The following KALRN variants were observed in gnomAD, a reference collection of about 807,000 sequenced individuals.
The protein encoded by KALRN is kalirin.
KALRN carries 70 observed loss-of-function variants against 353.7 expected under a neutral mutation model. The observed-to-expected ratio is 0.20, with a 90% CI of 0.16 to 0.24. The LOEUF (loss-of-function observed/expected upper bound fraction) is 0.24. Ranked by LOEUF, KALRN falls within the 10% of genes least tolerant of loss-of-function variation. The pLI, the probability that KALRN is intolerant of heterozygous loss-of-function variation, is 1.00. For synonymous variants in KALRN, 1,391 were observed against 1,434.8 expected, an observed-to-expected ratio of 0.97 and a Z score of 0.69; for missense variants, 2,791 against 3,756.7, an observed-to-expected ratio of 0.74 and a Z score of 6.72.
intron 33 of KALRN, among the ~76,000 whole-genome samples, chr3:124,561,925 AG>A (rs1239805927): frequency 2.0e-5 from 3 of 152,346 alleles, no homozygotes; most frequent in Non-Finnish European, 2.9e-5. Flanking sequence ...GCCAGAAGAA[AG>A]GGGGGAAGTG....
chr3:124,401,649 A>G (rs1219619818), intron 13 of KALRN, among the ~76,000 whole-genome samples: 2 of 152,188 alleles, frequency 1.3e-5, no homozygotes, highest in Non-Finnish European at 2.9e-5. Flanking sequence ...AAAATGAGGG[A>G]GAGAAAAATC....
In KALRN at chr3:124,721,623, C is replaced by A. The variant is rs1199022439; in HGVS notation, c.*2153C>A. 2.0e-5 allele frequency: 3 copies of A among 152,104 alleles called. No homozygotes were observed. Among genetic ancestry groups the A allele is most frequent in the Admixed American group, 2.0e-4 (3 of 15,282 alleles). The allele number at this position is 152,104 out of a possible 1,614,324, so 9.4% of individuals were successfully genotyped here. On this transcript the variant is annotated 3_prime_UTR_variant, in exon 60 of 60. Transcript: ENST00000682506. ...TTTTAGTAAACAGTTTACTAAAACC[C>A]TTTCAATAAACATGTCTTCATTATG...
At chr3:124,600,380 A>G (rs538232950) in intron 34 of KALRN, among the ~76,000 whole-genome samples, 97 of 152,192 alleles carry the variant, frequency 6.4e-4, no homozygotes, top group Non-Finnish European at 1.0e-3. Context: ...ACATTATGTT[A>G]TATTGGTTTC....
At chr3:124,681,476 A>T (rs2087763238) in intron 51 of KALRN, among the ~76,000 whole-genome samples, 2 of 152,178 alleles carry the variant, frequency 1.3e-5, no homozygotes, top group South Asian at 4.1e-4. Context: ...GTTTTCAAAT[A>T]CAGTAGTTGA....
At chr3:124,410,213 G>A (rs79744050) in intron 13 of KALRN, 41 of 532,976 alleles carry the variant, frequency 7.7e-5, no homozygotes, top group Admixed American at 1.9e-4. Flanking sequence ...CACCAGGACC[G>A]TCGGCACCTT....
intron 25 of KALRN, 61 bp from the exon 26 acceptor site, chr3:124,474,602 C>A: frequency 7.4e-7 from 1 of 1,346,910 alleles, no homozygotes; most frequent in Non-Finnish European, 1.1e-6. Context: ...GGCCTCAGTG[C>A]AATCCTCTGG....
chr3:124,041,525 G>A (rs1025638979), intron 1 of KALRN, among the ~76,000 whole-genome samples: 1 of 152,204 alleles, frequency 6.6e-6, no homozygotes, highest in Admixed American at 6.5e-5. Flanking sequence ...CAAGGGGACT[G>A]GATGGGGCAC....
intron 13 of KALRN, among the ~76,000 whole-genome samples, chr3:124,400,832 G>C (rs1008870710): frequency 6.6e-6 from 1 of 152,198 alleles, no homozygotes; most frequent in African/African-American, 2.4e-5. Flanking sequence ...GTTAGCAGGT[G>C]TGGTGGTTTT....
At chr3:124,407,329 T>G (rs2091675024) in intron 13 of KALRN, among the ~76,000 whole-genome samples, 1 of 152,030 alleles carries the variant, frequency 6.6e-6, no homozygotes, top group Non-Finnish European at 1.5e-5. Flanking sequence ...TATATATATA[T>G]ATATTTGCTT....
At position 124,639,228 on chromosome 3, in the gene KALRN, G is replaced by A. The variant is rs185849771; in HGVS notation, c.5664+1925G>A. On this transcript the variant is annotated intron_variant, in intron 37 of 59. Transcript: ENST00000682506. ...ATCTAGAGCATAGTGGTCATTCAGG[G>A]TCCTACTCAGATCTCCTCCTCTACA... Among the ~76,000 whole-genome samples, 938 of 106,024 alleles carry A rather than the reference G, an allele frequency of 8.8e-3. 6 individuals carry two copies. The highest frequency in any genetic ancestry group is 0.012 in the Non-Finnish European group (710 of 56,908). The allele number at this position is 106,024 out of a possible 152,430, so 69.6% of individuals were successfully genotyped here.
At chr3:124,298,395 T>C (rs915659339) in intron 5 of KALRN, among the ~76,000 whole-genome samples, 2 of 152,182 alleles carry the variant, frequency 1.3e-5, no homozygotes, top group Non-Finnish European at 2.9e-5. Context: ...GATGTCCCTG[T>C]TGCTTCCTTC....
intron 57 of KALRN, among the ~76,000 whole-genome samples, chr3:124,709,434 TGCCTG>T (rs1380149812): frequency 6.6e-6 from 1 of 152,180 alleles, no homozygotes; most frequent in African/African-American, 2.4e-5. Flanking sequence ...CGCACAACCA[TGCCTG>T]GCTAATTTTT....
intron 1 of KALRN, among the ~76,000 whole-genome samples, chr3:124,167,302 C>T (rs556691971): frequency 6.6e-6 from 1 of 152,134 alleles, no homozygotes; most frequent in Non-Finnish European, 1.5e-5. Context: ...TTCCTTCTCC[C>T]TAGCTTCGCT....
rs754646887 is a variant in KALRN, at chr3:124,694,456, C to A, written c.7530C>A (p.Asn2510Lys). Residue 2510 changes from asparagine (N) to lysine (K), a missense_variant, in exon 53 of 60, where the codon AAC becomes AAA. Coordinates refer to ENST00000682506, the MANE Select transcript of KALRN (RefSeq NM_001388419.1). ...PTITWKGPDQNILDTDNSSAT... is the reference protein window; with the variant it reads ...PTITWKGPDQKILDTDNSSAT... Reference sequence around the variant, plus strand: ...TCACTTGGAAGGGTCCAGACCAGAACATCCTTGACACTGATAACAGCTCAG... The same window carrying A: ...TCACTTGGAAGGGTCCAGACCAGAAAATCCTTGACACTGATAACAGCTCAG... 1 of 1,614,076 alleles carries A rather than the reference C, an allele frequency of 6.2e-7. No individual in the cohort carries two copies. The highest frequency in any genetic ancestry group is 1.3e-5 in the African/African-American group (1 of 74,930).
intron 6 of KALRN, among the ~76,000 whole-genome samples, chr3:124,306,780 T>A (rs2077746397): frequency 6.6e-6 from 1 of 152,200 alleles, no homozygotes; most frequent in Non-Finnish European, 1.5e-5. Context: ...CAAGGGAACC[T>A]CAATAAGATT....
At chr3:124,424,116 C>T (rs1004941799) in intron 15 of KALRN, among the ~76,000 whole-genome samples, 2 of 152,096 alleles carry the variant, frequency 1.3e-5, no homozygotes, top group African/African-American at 4.8e-5. Flanking sequence ...ACCATGGTCA[C>T]CCTGAGGAGA....
rs773051646 is a variant in KALRN at position 124,674,517 on chromosome 3, A to T, written c.7096A>T (p.Ser2366Cys). ...QNMCLVYQPA[S>C]DHSPAAEGWV... is the part of the protein sequence containing the mutation. Reference sequence around the variant, plus strand: ...CATGTGTCTGGTGTACCAGCCTGCCAGCGACCATTCCCCCGCCGCCGAGGG... The same window carrying T: ...CATGTGTCTGGTGTACCAGCCTGCCTGCGACCATTCCCCCGCCGCCGAGGG... Residue 2366 changes from serine to cysteine, a missense_variant, in exon 49 of 60, where the codon AGC (serine) becomes TGC (cysteine). Physicochemically the swap from Ser to Cys is moderately radical, Grantham distance 112. This residue lies in a region of KALRN where 1,065 missense variants were observed against 1,156.4 expected (regional missense o/e 0.92). Transcript: ENST00000682506. The T allele has an allele frequency of 2.5e-6, 4 of 1,613,878 alleles. No homozygotes were observed. The highest frequency in any genetic ancestry group is 3.4e-6 in the Non-Finnish European group (4 of 1,179,964).
At chr3:124,397,925 C>T (rs2090368231) in intron 12 of KALRN, among the ~76,000 whole-genome samples, 1 of 152,188 alleles carries the variant, frequency 6.6e-6, no homozygotes, top group Non-Finnish European at 1.5e-5. Context: ...AATAATTATC[C>T]ATACATGTTA....
chr3:124,678,460 T>A, intron 50 of KALRN, 147 bp downstream of exon 50: 1 of 777,024 alleles, frequency 1.3e-6, no homozygotes. Flanking sequence ...GGATTTTGCA[T>A]GCAAGATCAA....
Sources: allele counts gnomAD v4.1 joint callset (sites outside exome capture counted in the v4.1 genomes callset), GRCh38; gene constraint gnomAD v4.1.1; regional missense constraint gnomAD v4.1.1; transcripts MANE v1.5; gene names NCBI Gene and HGNC (gene_info 2026-07-23, HGNC 2026-07-21).